FBXL5: variants seen among roughly 807,000 people sequenced by gnomAD.
The protein encoded by FBXL5 is F-box and leucine rich repeat protein 5.
In FBXL5, 26 loss-of-function variants were observed where a neutral mutation model predicts 78.3. That is an observed-to-expected ratio of 0.33 (90% CI 0.24 to 0.46). The LOEUF is 0.46. Ranked by LOEUF, FBXL5 falls within the 20% of genes least tolerant of loss-of-function variation. The pLI, the probability that FBXL5 is intolerant of heterozygous loss-of-function variation, is 1.00. For synonymous variants in FBXL5, 295 were observed against 282.5 expected (o/e 1.04, Z -0.45); for missense variants, 710 against 829.2 (o/e 0.86, Z 1.77).
rs548323128 is a variant in FBXL5, at chr4:15,647,231, A to C, written c.85-2523T>G. 8.0e-3 allele frequency among the ~76,000 whole-genome samples: 1,105 copies of C among 138,544 alleles called. 6 individuals are homozygous for C. The highest frequency in any genetic ancestry group is 0.022 in the Middle Eastern group (6 of 268). 90.9% of individuals were successfully genotyped at this position (138,544 alleles called of 152,430 possible). A position where few individuals can be genotyped will look rare whatever the true frequency, so the allele number is the denominator to read the frequency against. On this transcript the variant is annotated intron_variant, in intron 1 of 10. Coordinates refer to ENST00000341285, the MANE Select transcript of FBXL5 (RefSeq NM_012161.4). ...AAGCAAGACTCCATCTCAAAAAAAAAAAAAAAAAAAAAGAAAGAAAATGTT... is the reference window on the plus strand; with the variant it reads ...AAGCAAGACTCCATCTCAAAAAAAACAAAAAAAAAAAAGAAAGAAAATGTT...
chr4:15,645,617 T>TG (rs1234897260), intron 1 of FBXL5, among the ~76,000 whole-genome samples: 4 of 152,160 alleles, frequency 2.6e-5, no homozygotes, highest in East Asian at 3.9e-4. Context: ...TTAGCAGAGA[T>TG]GGGGTTTCAC....
upstream of FBXL5, among the ~76,000 whole-genome samples, chr4:15,656,011 C>A (rs1716896967): frequency 6.6e-6 from 1 of 152,206 alleles, no homozygotes; most frequent in South Asian, 2.1e-4. Context: ...AGAGAGAGTT[C>A]TCGTGAAATT....
At chr4:15,636,464 T>G in intron 5 of FBXL5, 30 bp downstream of exon 5, 1 of 1,458,462 alleles carries the variant, frequency 6.9e-7, no homozygotes, top group South Asian at 1.4e-5. Context: ...GAAAAATACA[T>G]GAAAATATTT....
intron 10 of FBXL5, among the ~76,000 whole-genome samples, chr4:15,609,189 C>T (rs1239433097): frequency 6.6e-6 from 1 of 152,034 alleles, no homozygotes; most frequent in Non-Finnish European, 1.5e-5. Flanking sequence ...AAACTTCCAT[C>T]TCGATGTAGG....
At chr4:15,664,996 C>T (rs1314989659) in intron 1 of FBXL5, among the ~76,000 whole-genome samples, 1 of 152,072 alleles carries the variant, frequency 6.6e-6, no homozygotes, top group Non-Finnish European at 1.5e-5. Flanking sequence ...TCAGCAAAAT[C>T]TCCCCACCCT....
At chr4:15,605,898 G>GC in intron 10 of FBXL5, 99 bp from the exon 11 acceptor site, 1 of 827,822 alleles carries the variant, frequency 1.2e-6, no homozygotes, top group Non-Finnish European at 2.0e-6. Flanking sequence ...GGTTTTACTA[G>GC]CAGTACTTAT....
At chr4:15,672,709 T>TATA (rs1717816646) in intron 1 of FBXL5, among the ~76,000 whole-genome samples, 1 of 152,188 alleles carries the variant, frequency 6.6e-6, no homozygotes, top group Non-Finnish European at 1.5e-5. Flanking sequence ...CTGTAGACTT[T>TATA]ATAAACACTG....
At chr4:15,614,843 C>T (rs1711609321) in intron 9 of FBXL5, among the ~76,000 whole-genome samples, 1 of 152,196 alleles carries the variant, frequency 6.6e-6, no homozygotes, top group Non-Finnish European at 1.5e-5. Flanking sequence ...CCCACCACTG[C>T]ACTGTGGGAG....
intron 10 of FBXL5, among the ~76,000 whole-genome samples, chr4:15,606,375 T>G (rs1721887402): frequency 6.6e-6 from 1 of 151,986 alleles, no homozygotes; most frequent in African/African-American, 2.4e-5. Flanking sequence ...ATATAATGAG[T>G]GATCAATTAA....
intron 1 of FBXL5, among the ~76,000 whole-genome samples, chr4:15,672,917 T>G (rs1162900894): frequency 6.6e-6 from 1 of 152,124 alleles, no homozygotes; most frequent in East Asian, 1.9e-4. Context: ...TTTAAAAAAT[T>G]TATTTTTACG....
chr4:15,673,252 C>A (rs1717839137), intron 1 of FBXL5, among the ~76,000 whole-genome samples: 1 of 152,048 alleles, frequency 6.6e-6, no homozygotes, highest in Non-Finnish European at 1.5e-5. Context: ...CCAGCCTGGA[C>A]AACATGGCAA....
chr4:15,642,102 C>G (rs1714948440), intron 2 of FBXL5, among the ~76,000 whole-genome samples: 1 of 151,906 alleles, frequency 6.6e-6, no homozygotes, highest in Non-Finnish European at 1.5e-5. Flanking sequence ...GCAAGGTGCT[C>G]ACTATATCTT....
chr4:15,630,123 C>A (rs2148593429), intron 6 of FBXL5, among the ~76,000 whole-genome samples: 1 of 152,280 alleles, frequency 6.6e-6, no homozygotes, highest in East Asian at 1.9e-4. Flanking sequence ...GCGATGAAGT[C>A]TTATCCATCC....
chr4:15,675,172 C>G (rs1053116499), intron 1 of FBXL5, among the ~76,000 whole-genome samples: 1 of 152,112 alleles, frequency 6.6e-6, no homozygotes, highest in Non-Finnish European at 1.5e-5. Flanking sequence ...TGTTAAGTCA[C>G]ATAATTTATA....
intron 2 of FBXL5, 93 bp from the exon 3 acceptor site, chr4:15,640,976 CG>C (rs1560231663): frequency 1.7e-6 from 1 of 583,762 alleles, no homozygotes; most frequent in African/African-American, 2.1e-5. Context: ...ATAAAACCTC[CG>C]GGGAAAAAAA....
chr4:15,625,906 A>C lies in FBXL5; in HGVS notation c.1196T>G (p.Val399Gly). Residue 399 changes from valine to glycine, a missense_variant, in exon 9 of 11, where the codon GTG becomes GGG. Coordinates refer to ENST00000341285, the MANE Select transcript of FBXL5 (RefSeq NM_012161.4). ...AGCTCTGGAAATCTTCTCTAGGGCC[A>C]CATCTGTGATTTTCTCACAACCAGA... ...DLSGCEKITD[V>G]ALEKISRALG... 1 of 1,613,914 alleles carries C rather than the reference A, an allele frequency of 6.2e-7. No homozygotes were observed. The highest frequency in any genetic ancestry group is 1.1e-5 in the South Asian group (1 of 91,044).
intron 1 of FBXL5, among the ~76,000 whole-genome samples, chr4:15,674,524 T>C (rs931078784): frequency 6.6e-6 from 1 of 152,214 alleles, no homozygotes; most frequent in Non-Finnish European, 1.5e-5. Flanking sequence ...TGAAATTATA[T>C]GTAATCATAA....
chr4:15,634,090 G>A (rs1057423877), intron 5 of FBXL5, among the ~76,000 whole-genome samples: 1 of 151,996 alleles, frequency 6.6e-6, no homozygotes, highest in Non-Finnish European at 1.5e-5. Context: ...AATGCCTCCA[G>A]ATATTTCAAA....
Position 15,636,464 on chromosome 4 carries a change from T to C in FBXL5, c.766+30A>G, listed in dbSNP as rs533132083. 4.1e-6 allele frequency: 6 copies of C among 1,458,462 alleles called. No homozygotes were observed. The African/African-American group carries it at 8.0e-5, about 19-fold the overall frequency. The allele number at this position is 1,458,462 out of a possible 1,614,324, so 90.3% of individuals were successfully genotyped here. A position where few individuals can be genotyped will look rare whatever the true frequency, so the allele number is the denominator to read the frequency against. ...ATGAATATTCATCTAGAAAAATACATGAAAATATTTTAAAAACCCATTTAC... is the reference window on the plus strand; with the variant it reads ...ATGAATATTCATCTAGAAAAATACACGAAAATATTTTAAAAACCCATTTAC... On this transcript the variant is annotated intron_variant, in intron 5 of 10. Coordinates refer to ENST00000341285, the MANE Select transcript of FBXL5 (RefSeq NM_012161.4).
Sources: gnomAD v4.1 joint callset for allele counts (sites outside exome capture counted in the v4.1 genomes callset) on GRCh38, gnomAD v4.1.1 for gene constraint, MANE v1.5 for transcripts, NCBI Gene and HGNC (gene_info 2026-07-23, HGNC 2026-07-21) for gene names.